The following ARMC3 variants were observed in gnomAD, a reference collection of about 807,000 sequenced individuals.
ARMC3 encodes armadillo repeat containing 3.
In ARMC3, 74 loss-of-function variants were observed where a neutral mutation model predicts 90.3. The ratio of observed to expected loss-of-function variants is 0.82; its 90% CI spans 0.68 to 0.99. The LOEUF (loss-of-function observed/expected upper bound fraction) is 0.99. Among genes scored for constraint, ARMC3 ranks in the 50% least tolerant of loss-of-function variants. The probability of loss-of-function intolerance (pLI) is 0.00; values close to 1 mark genes in which losing one functional copy is unlikely to be tolerated. For missense variants in ARMC3, 958 were observed against 1,042.8 expected (o/e 0.92, Z 1.12); for synonymous variants, 334 against 361.8 (o/e 0.92, Z 0.87).
intron 16 of ARMC3, among the ~76,000 whole-genome samples, chr10:23,015,886 C>T (rs146988953): frequency 1.4e-3 from 208 of 152,290 alleles, no homozygotes; most frequent in African/African-American, 4.2e-3. Flanking sequence ...ACTTATTGAG[C>T]GCCTTCTATG....
intron 8 of ARMC3, among the ~76,000 whole-genome samples, chr10:22,971,631 T>C (rs1835688442): frequency 6.6e-6 from 1 of 151,794 alleles, no homozygotes; most frequent in Non-Finnish European, 1.5e-5. Context: ...AGTAGAGACA[T>C]GATTTCACCA....
rs5783816 is a variant in ARMC3 at position 23,018,514 on chromosome 10, A to ATTTTTT, written c.2045+9598_2045+9603dup. Among the ~76,000 whole-genome samples, 541 of 115,440 alleles carry ATTTTTT rather than the reference A, an allele frequency of 4.7e-3. 17 individuals are homozygous for ATTTTTT. The highest frequency in any genetic ancestry group is 8.9e-3 in the African/African-American group (258 of 28,894). 75.7% of individuals were successfully genotyped at this position (115,440 alleles called of 152,430 possible). A position where few individuals can be genotyped will look rare whatever the true frequency, so the allele number is the denominator to read the frequency against. On this transcript the variant is annotated intron_variant, in intron 16 of 18. Transcript: ENST00000298032. Reference sequence around the variant, plus strand: ...CATTTATTAGACTTGCACCTTAGTAATTTTTTTTTTTTTTTTTTTTGAGAC... The same window carrying ATTTTTT: ...CATTTATTAGACTTGCACCTTAGTAATTTTTTTTTTTTTTTTTTTTTTTTTTGAGAC...
At chr10:22,967,849 C>T (rs1007469668) in intron 7 of ARMC3, among the ~76,000 whole-genome samples, 6 of 152,118 alleles carry the variant, frequency 3.9e-5, no homozygotes, top group Admixed American at 6.5e-5. Flanking sequence ...TAGGTAAAAC[C>T]GCAGTTTTCC....
rs566717934 is a variant in ARMC3 at position 22,982,546 on chromosome 10, A to T, written c.1175+846A>T. On this transcript the variant is annotated intron_variant, in intron 10 of 18. Coordinates refer to ENST00000298032, the MANE Select transcript of ARMC3 (RefSeq NM_173081.5). ...CAGTTGAGGAAACTGAGACTTTTCAAGCTTACTTAATTTTCCCAGGTACAC... is the reference window on the plus strand; with the variant it reads ...CAGTTGAGGAAACTGAGACTTTTCATGCTTACTTAATTTTCCCAGGTACAC... Among the ~76,000 whole-genome samples the T allele has an allele frequency of 2.0e-5, 3 of 152,374 alleles. No homozygotes were observed. The East Asian group carries it at 5.8e-4, about 29-fold the overall frequency.
At chr10:23,024,494 TG>T (rs1292212899) in intron 16 of ARMC3, among the ~76,000 whole-genome samples, 1 of 152,180 alleles carries the variant, frequency 6.6e-6, no homozygotes, top group Non-Finnish European at 1.5e-5. Context: ...ATTTGATGAT[TG>T]AAACAAAATG....
At chr10:22,965,916 C>G (rs528273723) in intron 7 of ARMC3, among the ~76,000 whole-genome samples, 24 of 152,202 alleles carry the variant, frequency 1.6e-4, no homozygotes, top group Non-Finnish European at 3.2e-4. Context: ...TTTAGAGTCT[C>G]TAATTACTTA....
At chr10:22,972,699 C>T (rs76900089) in intron 8 of ARMC3, among the ~76,000 whole-genome samples, 2,788 of 152,224 alleles carry the variant, frequency 0.018, 91 homozygotes, top group African/African-American at 0.064. Flanking sequence ...ACGCATGTCC[C>T]CAGGCCATCC....
At chr10:22,945,540 A>G (rs1448380707) in intron 2 of ARMC3, among the ~76,000 whole-genome samples, 1 of 152,124 alleles carries the variant, frequency 6.6e-6, no homozygotes, top group Non-Finnish European at 1.5e-5. Context: ...GGTTTTATTC[A>G]ATTTTACATT....
At chr10:22,957,814 CA>C (rs936828282) in intron 4 of ARMC3, among the ~76,000 whole-genome samples, 2 of 151,832 alleles carry the variant, frequency 1.3e-5, no homozygotes, top group African/African-American at 4.8e-5. Flanking sequence ...TAACCAAAAA[CA>C]AAAAAAGGAA....
chr10:22,936,550 T>A (rs553244120), intron 2 of ARMC3, among the ~76,000 whole-genome samples: 3 of 152,208 alleles, frequency 2.0e-5, no homozygotes, highest in Non-Finnish European at 4.4e-5. Flanking sequence ...TGCTTCCATT[T>A]TCTTTCATTC....
intron 10 of ARMC3, among the ~76,000 whole-genome samples, chr10:22,985,399 T>C (rs1216936638): frequency 3.9e-5 from 6 of 152,150 alleles, no homozygotes; most frequent in African/African-American, 1.4e-4. Context: ...TGATTCCTTA[T>C]CAAGCTTCTG....
rs373812617 is a variant in ARMC3 at position 23,028,987 on chromosome 10, G to A, written c.2046-1609G>A. Among the ~76,000 whole-genome samples the A allele has an allele frequency of 3.5e-4, 54 of 152,214 alleles. No individual in the cohort carries two copies. The South Asian group carries it at 0.011, about 30-fold the overall frequency. ...ATTTACCTTGATCTACTGCACTCTT[G>A]ACATGACTGCACCCATATCTACAGC... On this transcript the variant is annotated intron_variant, in intron 16 of 18. Coordinates refer to ENST00000298032, the MANE Select transcript of ARMC3 (RefSeq NM_173081.5).
Position 22,998,311 on chromosome 10 carries a change from C to A in ARMC3, c.1339C>A (p.Pro447Thr). Residue 447 changes from proline (P) to threonine (T), a missense_variant, in exon 11 of 19, where the codon CCA becomes ACA. Pro to Thr is a conservative substitution (Grantham distance 38, BLOSUM62 -1). Transcript: ENST00000298032. ...NHDIMHAIIS[P>T]LRSANTVVQS... ...CGACATCATGCATGCCATCATCAGCCCACTGCGTTCTGCAAACACAGTCGT... is the reference window on the plus strand; with the variant it reads ...CGACATCATGCATGCCATCATCAGCACACTGCGTTCTGCAAACACAGTCGT... 1 of 1,613,182 alleles carries A rather than the reference C, an allele frequency of 6.2e-7. No individual in the cohort carries two copies. Among genetic ancestry groups the A allele is most frequent in the East Asian group, 2.2e-5 (1 of 44,822 alleles).
At chr10:23,032,578 A>AT (rs1343234638) in intron 17 of ARMC3, among the ~76,000 whole-genome samples, 1 of 147,922 alleles carries the variant, frequency 6.8e-6, no homozygotes, top group Non-Finnish European at 1.5e-5. Flanking sequence ...AGTTATATTG[A>AT]TTTTATCTTA....
chr10:22,975,754 T>A (rs1835894064), intron 8 of ARMC3, among the ~76,000 whole-genome samples: 1 of 152,206 alleles, frequency 6.6e-6, no homozygotes, highest in Non-Finnish European at 1.5e-5. Context: ...GCAAGCCTTT[T>A]GATCTCCAGA....
At chr10:23,009,111 A>G (rs774527380) in intron 16 of ARMC3, among the ~76,000 whole-genome samples, 180 bp downstream of exon 16, 2 of 152,214 alleles carry the variant, frequency 1.3e-5, no homozygotes, top group Non-Finnish European at 2.9e-5. Context: ...ACCCGGAGAG[A>G]ATTGTCTTCT....
chr10:22,950,415 T>C (rs1274594817), intron 3 of ARMC3, among the ~76,000 whole-genome samples: 1 of 152,084 alleles, frequency 6.6e-6, no homozygotes, highest in African/African-American at 2.4e-5. Context: ...CACTTCAAAG[T>C]AGACTGTGTT....
Position 23,000,811 on chromosome 10 carries a change from A to C in ARMC3, c.1426-1108A>C, listed in dbSNP as rs1012634402. On this transcript the variant is annotated intron_variant, in intron 11 of 18. Transcript: ENST00000298032. ...AGAGATTCCACAGGGATCCTGTCTT[A>C]GGATACTACACATTCAAGCTGGTAG... Among the ~76,000 whole-genome samples, 16 of 152,344 alleles carry C rather than the reference A, an allele frequency of 1.1e-4. No homozygotes were observed. In the South Asian group the frequency reaches 2.9e-3, roughly 28 times the overall value.
chr10:22,951,669 T>C (rs1834745070), intron 3 of ARMC3, among the ~76,000 whole-genome samples: 1 of 152,048 alleles, frequency 6.6e-6, no homozygotes, highest in African/African-American at 2.4e-5. Context: ...TTTAAATGAC[T>C]CATGAATCAA....
Sources: allele counts gnomAD v4.1 joint callset (sites outside exome capture counted in the v4.1 genomes callset), GRCh38; gene constraint gnomAD v4.1.1; transcripts MANE v1.5; gene names NCBI Gene and HGNC (gene_info 2026-07-23, HGNC 2026-07-21).